RIMS2: variants seen among roughly 807,000 people sequenced by gnomAD.
RIMS2 encodes the protein regulating synaptic membrane exocytosis protein 2.
In RIMS2, 59 loss-of-function variants were observed where a neutral mutation model predicts 174.4. That is an observed-to-expected ratio of 0.34 (90% CI 0.27 to 0.42). RIMS2 has a LOEUF of 0.42. Among genes scored for constraint, RIMS2 ranks in the 10% least tolerant of loss-of-function variants. The pLI is 1.00. For synonymous variants in RIMS2, 606 were observed against 572.5 expected, an observed-to-expected ratio of 1.06 and a Z score of -0.84; for missense variants, 1,620 against 1,666.3, an observed-to-expected ratio of 0.97 and a Z score of 0.48.
At chr8:104,248,546 C>T (rs1191152356) in intron 20 of RIMS2, among the ~76,000 whole-genome samples, 155 bp from the exon 27 acceptor site, 1 of 152,044 alleles carries the variant, frequency 6.6e-6, no homozygotes, top group African/African-American at 2.4e-5. Flanking sequence ...AAGGAAGAGT[C>T]CTGGGAGGTG....
At chr8:103,508,438 C>T (rs1433192040) in intron 1 of RIMS2, among the ~76,000 whole-genome samples, 3 of 135,038 alleles carry the variant, frequency 2.2e-5, no homozygotes, top group African/African-American at 5.4e-5. Context: ...CCTCTTTGCC[C>T]CCAAAACCTT....
At chr8:103,607,108 A>C (rs1418564177) in intron 1 of RIMS2, among the ~76,000 whole-genome samples, 10 of 151,908 alleles carry the variant, frequency 6.6e-5, no homozygotes, top group Non-Finnish European at 1.3e-4. Flanking sequence ...GATGGTCTTT[A>C]CATTTTGGCA....
chr8:104,222,268 C>T (rs1045372410), intron 19 of RIMS2, among the ~76,000 whole-genome samples: 5 of 152,102 alleles, frequency 3.3e-5, no homozygotes, highest in African/African-American at 1.2e-4. Flanking sequence ...ATCACTGTTG[C>T]ATCATATAAA....
At chr8:103,807,305 G>T (rs1240643890) in intron 3 of RIMS2, among the ~76,000 whole-genome samples, 1 of 152,134 alleles carries the variant, frequency 6.6e-6, no homozygotes, top group Non-Finnish European at 1.5e-5. Flanking sequence ...TAGCATTAGT[G>T]TCAAATGATA....
At chr8:103,749,648 T>G (rs1468686129) in intron 2 of RIMS2, among the ~76,000 whole-genome samples, 1 of 152,110 alleles carries the variant, frequency 6.6e-6, no homozygotes, top group African/African-American at 2.4e-5. Flanking sequence ...TTACTGGAAG[T>G]AAATATGCAT....
intron 19 of RIMS2, among the ~76,000 whole-genome samples, chr8:104,038,010 C>T (rs2096548773): frequency 6.6e-6 from 1 of 151,974 alleles, no homozygotes; most frequent in African/African-American, 2.4e-5. Context: ...GTAGCCTAGG[C>T]ACAACAGGAC....
In RIMS2 at chr8:104,179,835, A is replaced by G. The variant is rs193224644; in HGVS notation, c.3335-65081A>G. Among the ~76,000 whole-genome samples, 60 of 151,926 alleles carry G rather than the reference A, an allele frequency of 3.9e-4. 1 individual carries two copies. The East Asian group carries it at 0.01, about 26-fold the overall frequency. On this transcript the variant is annotated intron_variant, in intron 19 of 23. Transcript: ENST00000504942. ...ATAATACAAATACCTATAATAGAAAATAAAAGTTGCTTCCTTACTTACCTA... is the reference window on the plus strand; with the variant it reads ...ATAATACAAATACCTATAATAGAAAGTAAAAGTTGCTTCCTTACTTACCTA...
intron 19 of RIMS2, among the ~76,000 whole-genome samples, chr8:104,114,268 A>G (rs2098244215): frequency 6.6e-6 from 1 of 152,034 alleles, no homozygotes; most frequent in Non-Finnish European, 1.5e-5. Flanking sequence ...TTCTGCATTA[A>G]GGGTTTGTCA....
At chr8:104,129,177 G>A (rs571899985) in intron 19 of RIMS2, among the ~76,000 whole-genome samples, 1 of 151,942 alleles carries the variant, frequency 6.6e-6, no homozygotes, top group East Asian at 1.9e-4. Context: ...CTTGAGCCCA[G>A]GAGTTCCAGA....
chr8:103,834,734 TTCTTTCTTTC>T (rs1461943418), intron 3 of RIMS2, among the ~76,000 whole-genome samples: 135 of 121,890 alleles, frequency 1.1e-3, no homozygotes, highest in African/African-American at 4.4e-3. Flanking sequence ...CTTTCTTTCT[TTCTTTCTTTC>T]TCTCTCTTTC....
chr8:103,880,322 G>A (rs2099161173), intron 3 of RIMS2: 1 of 199,046 alleles, frequency 5.0e-6, no homozygotes, highest in East Asian at 1.1e-4. Context: ...GTTCAGTATT[G>A]TGAGGCACTA....
intron 19 of RIMS2, among the ~76,000 whole-genome samples, chr8:104,169,304 C>CTATACATATA (rs2098816931): frequency 1.1e-5 from 1 of 87,544 alleles, no homozygotes; most frequent in African/African-American, 5.1e-5. Flanking sequence ...TTGTTGTTGG[C>CTATACATATA]TATATATATA....
At chr8:103,711,310 G>T (rs1252579437) in intron 2 of RIMS2, among the ~76,000 whole-genome samples, 2 of 152,154 alleles carry the variant, frequency 1.3e-5, no homozygotes, top group Non-Finnish European at 2.9e-5. Flanking sequence ...CAATGAGAAG[G>T]TTTGTAAGAA....
chr8:104,061,517 G>T (rs115812573), intron 19 of RIMS2, among the ~76,000 whole-genome samples: 3,040 of 151,454 alleles, frequency 0.02, 114 homozygotes, highest in African/African-American at 0.07. Context: ...AAATCAAATA[G>T]CATTTATACA....
intron 19 of RIMS2, among the ~76,000 whole-genome samples, chr8:104,122,178 A>C (rs542827043): frequency 6.6e-6 from 1 of 152,048 alleles, no homozygotes; most frequent in Non-Finnish European, 1.5e-5. Flanking sequence ...ATGTGGATTT[A>C]AATCCCAGAA....
At chr8:103,748,398 C>T (rs1231753637) in intron 2 of RIMS2, among the ~76,000 whole-genome samples, 3 of 152,020 alleles carry the variant, frequency 2.0e-5, no homozygotes, top group Non-Finnish European at 2.9e-5. Context: ...GAGCCGTGAT[C>T]AATCCCACCT....
At chr8:104,095,602 T>A (rs543113961) in intron 19 of RIMS2, among the ~76,000 whole-genome samples, 1 of 152,280 alleles carries the variant, frequency 6.6e-6, no homozygotes, top group South Asian at 2.1e-4. Flanking sequence ...GAATGTGCAG[T>A]CAGACTTTAT....
At chr8:103,882,544 G>A (rs2099172788) in intron 3 of RIMS2, among the ~76,000 whole-genome samples, 1 of 151,528 alleles carries the variant, frequency 6.6e-6, no homozygotes, top group Non-Finnish European at 1.5e-5. Flanking sequence ...AACAGTGACA[G>A]TAGTCATCCC....
At chr8:103,705,636 T>A (rs2097215889) in intron 2 of RIMS2, among the ~76,000 whole-genome samples, 1 of 152,056 alleles carries the variant, frequency 6.6e-6, no homozygotes, top group Non-Finnish European at 1.5e-5. Context: ...TCTATGACAT[T>A]GGTTGCATAT....
Sources: gnomAD v4.1 joint callset for allele counts (sites outside exome capture counted in the v4.1 genomes callset) on GRCh38, gnomAD v4.1.1 for gene constraint, MANE v1.5 for transcripts, NCBI Gene and HGNC (gene_info 2026-07-23, HGNC 2026-07-21) for gene names.